Variants in TYW1B observed in about 807,000 individuals in gnomAD.
TYW1B encodes the protein S-adenosyl-L-methionine-dependent tRNA 4-demethylwyosine synthase TYW1B.
In TYW1B, 73 loss-of-function variants were observed where a neutral mutation model predicts 86.9. That is an observed-to-expected ratio of 0.84 (90% CI 0.70 to 1.02). The LOEUF is 1.02. Among genes scored for constraint, TYW1B ranks in the 50% least tolerant of loss-of-function variants. The pLI is 0.00. For missense variants in TYW1B, 637 were observed against 827.4 expected, an observed-to-expected ratio of 0.77 and a Z score of 2.82; for synonymous variants, 248 against 292.8, an observed-to-expected ratio of 0.85 and a Z score of 1.56.
At chr7:72,722,594 A>G (rs375925055) in intron 9 of TYW1B, among the ~76,000 whole-genome samples, 16 of 152,212 alleles carry the variant, frequency 1.1e-4, no homozygotes, top group East Asian at 7.7e-4. Context: ...AGATATTTTT[A>G]TAACTCAGTG....
chr7:72,811,359 G>A (rs1788615115), intron 3 of TYW1B, among the ~76,000 whole-genome samples: 1 of 151,258 alleles, frequency 6.6e-6, no homozygotes, highest in Admixed American at 6.6e-5. Flanking sequence ...ACTAATGGAA[G>A]AACACACCTG....
intron 11 of TYW1B, among the ~76,000 whole-genome samples, chr7:72,673,950 AT>A (rs1813673996): frequency 6.6e-6 from 1 of 152,170 alleles, no homozygotes; most frequent in South Asian, 2.1e-4. Context: ...TCATAGAGTT[AT>A]TATTTTTTTA....
chr7:72,612,917 T>G (rs200624501), intron 13 of TYW1B, among the ~76,000 whole-genome samples: 2 of 151,782 alleles, frequency 1.3e-5, no homozygotes, highest in East Asian at 3.9e-4. Flanking sequence ...ACCCAGGAAA[T>G]TTTTCTATTT....
intron 11 of TYW1B, among the ~76,000 whole-genome samples, chr7:72,654,018 T>C (rs1232184826): frequency 6.7e-6 from 1 of 148,234 alleles, no homozygotes; most frequent in Non-Finnish European, 1.5e-5. Context: ...AGGCGGAGGC[T>C]GCAGTGAGCT....
chr7:72,628,094 C>A (rs1163069916), intron 12 of TYW1B, among the ~76,000 whole-genome samples: 1 of 152,034 alleles, frequency 6.6e-6, no homozygotes, highest in East Asian at 1.9e-4. Context: ...GAGTTTGAGA[C>A]CAGCCTGGGC....
At chr7:72,607,393 C>CAAAAAAAAAAAAAAAAAA (rs57281644) in intron 13 of TYW1B, among the ~76,000 whole-genome samples, 1 of 76,216 alleles carries the variant, frequency 1.3e-5, no homozygotes, top group African/African-American at 4.9e-5. Flanking sequence ...TTCTGTCTCT[C>CAAAAAAAAAAAAAAAAAA]AAAAAAAAAA....
chr7:72,613,203 G>A (rs1342564367), intron 13 of TYW1B, among the ~76,000 whole-genome samples: 1 of 152,028 alleles, frequency 6.6e-6, no homozygotes, highest in Non-Finnish European at 1.5e-5. Context: ...CCTAGATTAG[G>A]GGTTGGGTAA....
chr7:72,744,698 A>T, intron 7 of TYW1B, 97 bp from the exon 8 acceptor site: 1 of 1,289,782 alleles, frequency 7.8e-7, no homozygotes, highest in South Asian at 1.2e-5. Flanking sequence ...TGTGTTTCGT[A>T]ACCATGAATA....
chr7:72,647,451 G>T (rs1361685136), intron 11 of TYW1B, among the ~76,000 whole-genome samples: 1 of 152,146 alleles, frequency 6.6e-6, no homozygotes, highest in Non-Finnish European at 1.5e-5. Context: ...AACTCAAGAT[G>T]ATGACAAGAT....
At chr7:72,749,729 T>C (rs1375798826) in intron 7 of TYW1B, among the ~76,000 whole-genome samples, 1 of 149,488 alleles carries the variant, frequency 6.7e-6, no homozygotes, top group Non-Finnish European at 1.5e-5. Flanking sequence ...ATTTTCTTTT[T>C]TTTTTTTTAC....
intron 10 of TYW1B, among the ~76,000 whole-genome samples, chr7:72,711,473 C>CTTTT (rs59438928): frequency 0.097 from 5,543 of 56,882 alleles, 1,997 homozygotes; most frequent in Middle Eastern, 0.21. Flanking sequence ...CTCTTTAATT[C>CTTTT]TTTTTTTTTT....
At chr7:72,816,781 G>A (rs1554479519) in intron 2 of TYW1B, among the ~76,000 whole-genome samples, 1 of 152,200 alleles carries the variant, frequency 6.6e-6, no homozygotes, top group Non-Finnish European at 1.5e-5. Flanking sequence ...CCTGAACAAT[G>A]GAGACTGTTG....
intron 11 of TYW1B, among the ~76,000 whole-genome samples, chr7:72,654,891 C>T (rs1164889857): frequency 6.6e-6 from 1 of 152,048 alleles, no homozygotes; most frequent in African/African-American, 2.4e-5. Flanking sequence ...AAAAAATAAA[C>T]AACAAAAAAT....
chr7:72,639,038 G>A (rs1554441154), intron 11 of TYW1B, among the ~76,000 whole-genome samples: 1 of 152,076 alleles, frequency 6.6e-6, no homozygotes, highest in African/African-American at 2.4e-5. Flanking sequence ...AGGGAAACAG[G>A]ATTGGAGCAA....
At chr7:72,743,620 G>A (rs2129571340) in intron 8 of TYW1B, among the ~76,000 whole-genome samples, 1 of 152,180 alleles carries the variant, frequency 6.6e-6, no homozygotes, top group Admixed American at 6.5e-5. Flanking sequence ...GAGGTGGGCG[G>A]ATCACCTGAG....
At chr7:72,674,881 G>GC (rs1359181322) in intron 11 of TYW1B, among the ~76,000 whole-genome samples, 1 of 151,130 alleles carries the variant, frequency 6.6e-6, no homozygotes, top group Non-Finnish European at 1.5e-5. Flanking sequence ...ACAGGTGTGA[G>GC]CCACCATGGC....
chr7:72,584,885 A>T (rs1811240369), intron 13 of TYW1B, among the ~76,000 whole-genome samples: 1 of 152,206 alleles, frequency 6.6e-6, no homozygotes, highest in Non-Finnish European at 1.5e-5. Context: ...TAGGCAAACG[A>T]GGGGAGCCGA....
rs191782525 is a variant in TYW1B at position 72,714,733 on chromosome 7, A to G, written c.1193-935T>C. Among the ~76,000 whole-genome samples, 1,009 of 152,320 alleles carry G rather than the reference A, an allele frequency of 6.6e-3. 12 individuals are homozygous for G. The highest frequency in any genetic ancestry group is 0.021 in the African/African-American group (869 of 41,564). On this transcript the variant is annotated intron_variant, in intron 9 of 13. Coordinates refer to ENST00000620995, the MANE Select transcript of TYW1B (RefSeq NM_001145440.3). Reference sequence around the variant, plus strand: ...AGGAGTTCAACACCAGCCTGGCAACATGGTGAAACCCTGTCTCTACTAAAA... The same window carrying G: ...AGGAGTTCAACACCAGCCTGGCAACGTGGTGAAACCCTGTCTCTACTAAAA...
At chr7:72,719,530 C>G (rs1401367248) in intron 9 of TYW1B, among the ~76,000 whole-genome samples, 1 of 147,908 alleles carries the variant, frequency 6.8e-6, no homozygotes, top group East Asian at 2.0e-4. Context: ...ATTCGGGAGG[C>G]TGAGCCAGGA....
Sources: gnomAD v4.1 joint callset for allele counts (sites outside exome capture counted in the v4.1 genomes callset) on GRCh38, gnomAD v4.1.1 for gene constraint, MANE v1.5 for transcripts, NCBI Gene and HGNC (gene_info 2026-07-23, HGNC 2026-07-21) for gene names.